The following SLC35F1 variants were observed in gnomAD, a reference collection of about 807,000 sequenced individuals.
The protein encoded by SLC35F1 is solute carrier family 35 member F1.
In SLC35F1, 14 loss-of-function variants were observed where a neutral mutation model predicts 48.7. The observed-to-expected ratio is 0.29, with a 90% confidence interval of 0.19 to 0.45. The LOEUF (loss-of-function observed/expected upper bound fraction) is 0.45. Among genes scored for constraint, SLC35F1 ranks in the 20% least tolerant of loss-of-function variants. The pLI is 1.00. For missense variants in SLC35F1, 404 were observed against 500.0 expected (o/e 0.81, Z 1.83); for synonymous variants, 190 against 202.2 (o/e 0.94, Z 0.51).
At chr6:117,941,364 A>G (rs1253817432) in intron 1 of SLC35F1, among the ~76,000 whole-genome samples, 1 of 152,204 alleles carries the variant, frequency 6.6e-6, no homozygotes, top group Non-Finnish European at 1.5e-5. Flanking sequence ...CACATTGTGT[A>G]CATTCATGGT....
chr6:118,171,629 T>C (rs1044677246), intron 2 of SLC35F1, among the ~76,000 whole-genome samples: 2 of 152,178 alleles, frequency 1.3e-5, no homozygotes, highest in African/African-American at 4.8e-5. Flanking sequence ...CCCACTTAAG[T>C]GTCACCATTG....
intron 1 of SLC35F1, among the ~76,000 whole-genome samples, chr6:118,123,459 T>C (rs983576456): frequency 6.6e-6 from 1 of 152,056 alleles, no homozygotes; most frequent in African/African-American, 2.4e-5. Context: ...ACCATGGAGA[T>C]AGATTCTACA....
intron 2 of SLC35F1, among the ~76,000 whole-genome samples, chr6:118,191,656 G>T (rs1463869505): frequency 2.0e-5 from 3 of 152,210 alleles, no homozygotes; most frequent in African/African-American, 7.2e-5. Flanking sequence ...TTGGGTTCTA[G>T]ATTGTAAAGG....
At chr6:118,084,061 G>A (rs1030004918) in intron 1 of SLC35F1, among the ~76,000 whole-genome samples, 4 of 152,154 alleles carry the variant, frequency 2.6e-5, no homozygotes, top group Admixed American at 1.3e-4. Flanking sequence ...TTAATTTCCC[G>A]ATTTTGCATA....
At chr6:118,290,815 G>T (rs1366878579) in intron 7 of SLC35F1, among the ~76,000 whole-genome samples, 3 of 129,652 alleles carry the variant, frequency 2.3e-5, no homozygotes, top group Admixed American at 7.5e-5. Flanking sequence ...TTTTTTTCGA[G>T]ACAGAGTCTC....
intron 1 of SLC35F1, among the ~76,000 whole-genome samples, chr6:117,926,730 G>C (rs1024433538): frequency 5.3e-5 from 8 of 152,124 alleles, no homozygotes; most frequent in Non-Finnish European, 1.2e-4. Context: ...ATCATGCAGG[G>C]CTTTGGAGTT....
chr6:118,143,248 G>A (rs1052483924), intron 1 of SLC35F1, among the ~76,000 whole-genome samples: 2 of 152,114 alleles, frequency 1.3e-5, no homozygotes, highest in African/African-American at 4.8e-5. Context: ...AAAGTTAGAT[G>A]TTTGCCATTT....
intron 1 of SLC35F1, among the ~76,000 whole-genome samples, chr6:118,068,343 G>T (rs190492864): frequency 6.6e-6 from 1 of 152,154 alleles, no homozygotes; most frequent in Non-Finnish European, 1.5e-5. Flanking sequence ...AGCAGCAGCC[G>T]CAGTATGGTT....
chr6:117,996,246 T>C (rs1582607030), intron 1 of SLC35F1, among the ~76,000 whole-genome samples: 3 of 152,196 alleles, frequency 2.0e-5, no homozygotes, highest in Admixed American at 1.3e-4. Context: ...GCACAAACTT[T>C]TGAAATCCTA....
chr6:118,181,167 G>A (rs556061339), intron 2 of SLC35F1, among the ~76,000 whole-genome samples: 1 of 152,070 alleles, frequency 6.6e-6, no homozygotes, highest in African/African-American at 2.4e-5. Flanking sequence ...TGTACTTCAG[G>A]GAACTAAACT....
chr6:118,199,561 A>G (rs892919107), intron 2 of SLC35F1, among the ~76,000 whole-genome samples: 1 of 152,260 alleles, frequency 6.6e-6, no homozygotes, highest in Non-Finnish European at 1.5e-5. Flanking sequence ...TCATTAATTA[A>G]TGAAGAAACT....
Position 118,091,076 on chromosome 6 carries a change from A to G in SLC35F1, c.174-63369A>G, listed in dbSNP as rs963980191. ...ACACATAAGTTCTTGCTTTTTAAGC[A>G]GTTGGGTGAATTGATCTTAACTGAA... On this transcript the variant is annotated intron_variant, in intron 1 of 7. Transcript: ENST00000360388. Among the ~76,000 whole-genome samples, 4 of 152,352 alleles carry G rather than the reference A, an allele frequency of 2.6e-5. No individual in the cohort carries two copies. The East Asian group carries it at 7.7e-4, about 29-fold the overall frequency.
chr6:118,144,478 C>T (rs1773940892), intron 1 of SLC35F1, among the ~76,000 whole-genome samples: 1 of 151,802 alleles, frequency 6.6e-6, no homozygotes, highest in East Asian at 1.9e-4. Flanking sequence ...ATAGCTAATG[C>T]ATGCTGGGCT....
intron 1 of SLC35F1, among the ~76,000 whole-genome samples, chr6:118,134,410 C>T (rs1400760197): frequency 6.6e-6 from 1 of 152,216 alleles, no homozygotes; most frequent in African/African-American, 2.4e-5. Context: ...ATGTTGGCTG[C>T]TTCCAGCTCT....
At chr6:117,970,466 G>A (rs1216933419) in intron 1 of SLC35F1, among the ~76,000 whole-genome samples, 4 of 152,178 alleles carry the variant, frequency 2.6e-5, no homozygotes, top group African/African-American at 9.7e-5. Context: ...TTTTCAGTTA[G>A]TCTCTTTTTC....
chr6:118,098,056 A>G (rs1773203535), intron 1 of SLC35F1, among the ~76,000 whole-genome samples: 1 of 152,236 alleles, frequency 6.6e-6, no homozygotes, highest in Non-Finnish European at 1.5e-5. Context: ...ACTTTGATTC[A>G]TTCAATAAAT....
chr6:118,119,491 G>A (rs1260047143), intron 1 of SLC35F1, among the ~76,000 whole-genome samples: 3 of 19,500 alleles, frequency 1.5e-4, no homozygotes, highest in Non-Finnish European at 5.7e-4. Flanking sequence ...AGTAATAACC[G>A]GCGCCCCCCC....
intron 1 of SLC35F1, among the ~76,000 whole-genome samples, chr6:117,996,940 T>C (rs367548427): frequency 4.8e-4 from 73 of 152,030 alleles, no homozygotes; most frequent in African/African-American, 1.7e-3. Flanking sequence ...CTTTGACGAG[T>C]TGAGAGAAGA....
At chr6:117,982,052 T>TA (rs1475177874) in intron 1 of SLC35F1, among the ~76,000 whole-genome samples, 1 of 152,210 alleles carries the variant, frequency 6.6e-6, no homozygotes, top group African/African-American at 2.4e-5. Context: ...AATACAAAAA[T>TA]ACGAGATTCA....
Sources: allele counts gnomAD v4.1 joint callset (sites outside exome capture counted in the v4.1 genomes callset), GRCh38; gene constraint gnomAD v4.1.1; transcripts MANE v1.5; gene names NCBI Gene and HGNC (gene_info 2026-07-23, HGNC 2026-07-21).